The following NTM variants were observed in gnomAD, a reference collection of about 807,000 sequenced individuals.
The protein encoded by NTM is neurotrimin, also known as IgLON family member 2.
NTM carries 13 observed loss-of-function variants against 42.1 expected under a neutral mutation model. The observed-to-expected ratio is 0.31, with a 90% confidence interval of 0.20 to 0.49. NTM has a LOEUF of 0.49. NTM is among the 20% of genes least tolerant of loss of function. NTM has a pLI of 0.99. For synonymous variants in NTM, 187 were observed against 179.2 expected, an observed-to-expected ratio of 1.04 and a Z score of -0.35; for missense variants, 373 against 452.8, an observed-to-expected ratio of 0.82 and a Z score of 1.60.
chr11:131,772,697 GC>G (rs2086303582), intron 1 of NTM, among the ~76,000 whole-genome samples: 1 of 152,200 alleles, frequency 6.6e-6, no homozygotes, highest in African/African-American at 2.4e-5. Context: ...AGACCCCCCA[GC>G]CTGAACATAA....
intron 1 of NTM, among the ~76,000 whole-genome samples, chr11:131,575,352 C>T (rs774354253): frequency 6.6e-6 from 1 of 152,102 alleles, no homozygotes; most frequent in Non-Finnish European, 1.5e-5. Context: ...CAGTATATGT[C>T]TTTGGGCCTA....
At chr11:132,066,981 G>T (rs2056609798) in intron 2 of NTM, among the ~76,000 whole-genome samples, 1 of 151,958 alleles carries the variant, frequency 6.6e-6, no homozygotes, top group African/African-American at 2.4e-5. Flanking sequence ...TTGAGACAGG[G>T]TCTTGCTCTG....
At chr11:131,816,547 GAA>G (rs34057469) in intron 1 of NTM, among the ~76,000 whole-genome samples, 10,826 of 139,854 alleles carry the variant, frequency 0.077, 1,223 homozygotes, top group African/African-American at 0.29. Flanking sequence ...ATTAAAGCAA[GAA>G]AAAAAAAAAA....
At chr11:132,116,317 G>A (rs1342393766) in intron 2 of NTM, among the ~76,000 whole-genome samples, 1 of 152,182 alleles carries the variant, frequency 6.6e-6, no homozygotes, top group African/African-American at 2.4e-5. Flanking sequence ...ATGGAGGTAG[G>A]GGCTGGAGCC....
intron 2 of NTM, among the ~76,000 whole-genome samples, chr11:132,132,031 G>A (rs1172992519): frequency 6.6e-6 from 1 of 152,180 alleles, no homozygotes; most frequent in Non-Finnish European, 1.5e-5. Flanking sequence ...TTTCCGTAAA[G>A]GACTTAGATA....
At chr11:132,018,977 A>C (rs1424015768) in intron 2 of NTM, among the ~76,000 whole-genome samples, 1 of 151,882 alleles carries the variant, frequency 6.6e-6, no homozygotes, top group Admixed American at 6.6e-5. Flanking sequence ...ATTTCATATA[A>C]ATTATCTAAT....
chr11:131,377,233 A>G (rs1238929591), intron 1 of NTM, among the ~76,000 whole-genome samples: 3 of 152,192 alleles, frequency 2.0e-5, no homozygotes, highest in Non-Finnish European at 4.4e-5. Context: ...AACCTCTTGT[A>G]GAAAAGGAGC....
intron 2 of NTM, among the ~76,000 whole-genome samples, chr11:131,984,281 T>A (rs1043616316): frequency 4.6e-5 from 7 of 152,342 alleles, no homozygotes; most frequent in African/African-American, 1.4e-4. Context: ...GACGTATAAC[T>A]GAAAAGATTG....
At chr11:132,163,496 A>G (rs2074745220) in intron 3 of NTM, among the ~76,000 whole-genome samples, 1 of 152,224 alleles carries the variant, frequency 6.6e-6, no homozygotes, top group Non-Finnish European at 1.5e-5. Flanking sequence ...TGTGTCATTT[A>G]ATGTTCAAAC....
chr11:132,095,613 T>C (rs1258863656), intron 2 of NTM, among the ~76,000 whole-genome samples: 1 of 152,088 alleles, frequency 6.6e-6, no homozygotes, highest in Non-Finnish European at 1.5e-5. Flanking sequence ...CAGGCTGAGT[T>C]TTCTCTTCAG....
chr11:131,749,143 G>A (rs2082173326), intron 1 of NTM, among the ~76,000 whole-genome samples: 1 of 152,232 alleles, frequency 6.6e-6, no homozygotes, highest in Non-Finnish European at 1.5e-5. Flanking sequence ...TTTACTTCCG[G>A]ATGAAGTTGT....
chr11:131,466,542 G>A (rs968309492), intron 1 of NTM, among the ~76,000 whole-genome samples: 16 of 152,196 alleles, frequency 1.1e-4, no homozygotes, highest in African/African-American at 3.9e-4. Context: ...TGTGCAGGCT[G>A]TGTGCTAGCC....
chr11:132,189,641 TACACACACAC>T (rs35740557), intron 3 of NTM, among the ~76,000 whole-genome samples: 6 of 149,114 alleles, frequency 4.0e-5, no homozygotes, highest in African/African-American at 1.2e-4. Context: ...TCACGGCAGA[TACACACACAC>T]ACACACACAC....
At chr11:131,622,930 G>T (rs1338807234) in intron 1 of NTM, among the ~76,000 whole-genome samples, 1 of 152,124 alleles carries the variant, frequency 6.6e-6, no homozygotes, top group Non-Finnish European at 1.5e-5. Flanking sequence ...GCTCTCATTG[G>T]TACACTAGAC....
At chr11:131,523,905 G>T (rs951370940) in intron 1 of NTM, among the ~76,000 whole-genome samples, 4 of 152,110 alleles carry the variant, frequency 2.6e-5, no homozygotes, top group Non-Finnish European at 5.9e-5. Context: ...GGGGTGGGTG[G>T]GGAGAGTAAG....
intron 1 of NTM, among the ~76,000 whole-genome samples, chr11:131,717,277 C>T (rs1236773049): frequency 2.0e-5 from 3 of 152,026 alleles, no homozygotes; most frequent in Admixed American, 1.3e-4. Flanking sequence ...AAAAAATTTC[C>T]TGGTTTTGGA....
intron 2 of NTM, among the ~76,000 whole-genome samples, chr11:131,912,301 T>C (rs1403683352): frequency 3.9e-5 from 6 of 152,198 alleles, no homozygotes; most frequent in Non-Finnish European, 8.8e-5. Context: ...TGTGTTCTGT[T>C]CCTGCTCTCC....
intron 2 of NTM, among the ~76,000 whole-genome samples, chr11:132,113,937 C>G (rs2063549659): frequency 6.6e-6 from 1 of 152,140 alleles, no homozygotes; most frequent in African/African-American, 2.4e-5. Flanking sequence ...CTCAGTTTAC[C>G]CATGCTGCGG....
At chr11:131,422,174 T>C (rs1344964108) in intron 1 of NTM, among the ~76,000 whole-genome samples, 1 of 151,612 alleles carries the variant, frequency 6.6e-6, no homozygotes, top group Non-Finnish European at 1.5e-5. Flanking sequence ...AGGATTCTGA[T>C]AGGCTGTTGC....
Sources: gnomAD v4.1 joint callset for allele counts (sites outside exome capture counted in the v4.1 genomes callset) on GRCh38, gnomAD v4.1.1 for gene constraint, MANE v1.5 for transcripts, NCBI Gene and HGNC (gene_info 2026-07-23, HGNC 2026-07-21) for gene names.